The following CRY2 variants were observed in gnomAD, a reference collection of about 807,000 sequenced individuals.
CRY2 encodes the protein cryptochrome circadian regulator 2.
CRY2 carries 31 observed loss-of-function variants against 69.5 expected under a neutral mutation model. The observed-to-expected ratio is 0.45, with a 90% CI of 0.34 to 0.60. The LOEUF (loss-of-function observed/expected upper bound fraction) is 0.60. Among genes scored for constraint, CRY2 ranks in the 20% least tolerant of loss-of-function variants. The probability of loss-of-function intolerance (pLI) is 0.02; values close to 1 mark genes in which losing one functional copy is unlikely to be tolerated. For missense variants in CRY2, 606 were observed against 797.8 expected (o/e 0.76, Z 2.90); for synonymous variants, 303 against 312.2 (o/e 0.97, Z 0.31).
Position 45,873,172 on chromosome 11 carries a change from C to CCT in CRY2, c.*2+942_*2+943dup, listed in dbSNP as rs2086399797. 2.6e-5 allele frequency among the ~76,000 whole-genome samples: 4 copies of CCT among 152,328 alleles called. No individual in the cohort carries two copies. The South Asian group carries it at 8.3e-4, about 32-fold the overall frequency. On this transcript the variant is annotated intron_variant, in intron 11 of 11. Coordinates refer to ENST00000616080, the MANE Select transcript of CRY2 (RefSeq NM_021117.5). ...CTTGGGGAAATGTAAATTCCTGTCC[C>CCT]CTCTGAGTCATCATCTCAAGCTGTT...
intron 5 of CRY2, among the ~76,000 whole-genome samples, chr11:45,863,044 C>T (rs2086300743): frequency 6.6e-6 from 1 of 152,228 alleles, no homozygotes; most frequent in African/African-American, 2.4e-5. Flanking sequence ...CAAGGCAAAT[C>T]TACTTGGGAA....
intron 11 of CRY2, among the ~76,000 whole-genome samples, chr11:45,875,642 T>A (rs922525960): frequency 1.3e-5 from 2 of 152,156 alleles, no homozygotes; most frequent in Non-Finnish European, 2.9e-5. Flanking sequence ...TAGGCCAGGC[T>A]AGACTGTGAA....
chr11:45,852,290 T>G (rs2086203993), intron 1 of CRY2, among the ~76,000 whole-genome samples: 1 of 152,182 alleles, frequency 6.6e-6, no homozygotes, highest in African/African-American at 2.4e-5. Context: ...CCATCTCCAA[T>G]GCCCAGGCCA....
In CRY2 at chr11:45,868,240, A is replaced by G. The variant is rs2086347232; in HGVS notation, c.882+488A>G. 4.6e-5 allele frequency among the ~76,000 whole-genome samples: 7 copies of G among 152,218 alleles called. No individual in the cohort carries two copies. The South Asian group carries it at 1.4e-3, about 32-fold the overall frequency. On this transcript the variant is annotated intron_variant, in intron 6 of 11. Coordinates refer to ENST00000616080, the MANE Select transcript of CRY2 (RefSeq NM_021117.5). ...GAGGGGCTGCACACAGGGCTGTGCTATACAGACAAGAAGCAAATAAGCCTG... is the reference window on the plus strand; with the variant it reads ...GAGGGGCTGCACACAGGGCTGTGCTGTACAGACAAGAAGCAAATAAGCCTG...
At chr11:45,869,434 G>A in intron 6 of CRY2, 72 bp from the exon 7 acceptor site, 1 of 1,489,078 alleles carries the variant, frequency 6.7e-7, no homozygotes, top group Non-Finnish European at 9.1e-7. Context: ...TTCCTTTGTA[G>A]AAGAGACCTG....
At chr11:45,858,076 C>G (rs530631138) in intron 2 of CRY2, among the ~76,000 whole-genome samples, 2 of 152,318 alleles carry the variant, frequency 1.3e-5, no homozygotes, top group East Asian at 3.9e-4. Context: ...GCTATGAGAT[C>G]TAGAAATTCC....
rs776050157 is a variant in CRY2 at position 45,847,531 on chromosome 11, C to A, written c.41C>A (p.Ala14Glu). ...TVATAAAVAP[A>E]PAPGTDSASS... ...GCGACGGCGGCAGCTGTGGCCCCGG[C>A]GCCAGCGCCCGGCACGGACAGCGCC... The change falls in exon 1 of 12, where the codon GCG (alanine) becomes GAG (glutamate). Residue 14 changes from alanine to glutamate, a missense_variant. Transcript: ENST00000616080. 11 of 1,583,968 alleles carry A rather than the reference C, an allele frequency of 6.9e-6. No individual in the cohort carries two copies. The Admixed American group carries it at 2.0e-4, about 28-fold the overall frequency.
chr11:45,847,262 C>A, upstream of CRY2: 1 of 1,551,644 alleles, frequency 6.4e-7, no homozygotes, highest in Non-Finnish European at 8.7e-7. Context: ...GCCAGCTCCA[C>A]CCGGGCGGAC....
intron 4 of CRY2, 51 bp from the exon 5 acceptor site, chr11:45,862,009 T>C: frequency 6.7e-7 from 1 of 1,494,012 alleles, no homozygotes; most frequent in South Asian, 1.2e-5. Flanking sequence ...CGTGCCGGGC[T>C]ATCACTGAAA....
Position 45,847,612 on chromosome 11 carries a change from T to A in CRY2, c.122T>A (p.Leu41Gln), listed in dbSNP as rs764284836. Reference sequence around the variant, plus strand: ...CGACTCCACGACAACCCGGCGTTGCTGGCGGCCGTGCGCGGGGCGCGCTGC... The same window carrying A: ...CGACTCCACGACAACCCGGCGTTGCAGGCGGCCGTGCGCGGGGCGCGCTGC... ...GLRLHDNPAL[L>Q]AAVRGARCVR... Residue 41 changes from leucine to glutamine, a missense_variant, in exon 1 of 12, where the codon CTG becomes CAG. Physicochemically the swap from Leu to Gln is moderately radical, Grantham distance 113. Transcript: ENST00000616080. 5.6e-6 allele frequency: 9 copies of A among 1,605,076 alleles called. No individual in the cohort carries two copies. In the Admixed American group the frequency reaches 1.4e-4, roughly 24 times the overall value.
rs1040439647 is a variant in CRY2 at position 45,847,711 on chromosome 11, G to A, written c.215+6G>A. On this transcript the variant is annotated splice_donor_region_variant and intron_variant, in intron 1 of 11. Transcript: ENST00000616080. ...GTCGGGATCAACCGATGGAGGTGAG[G>A]GGACCCGGGGCTGGGTGGCGGGGAC... The A allele has an allele frequency of 6.4e-7, 1 of 1,555,602 alleles. No homozygotes were observed. Among genetic ancestry groups the A allele is most frequent in the East Asian group, 2.4e-5 (1 of 41,740 alleles).
chr11:45,872,521 G>A (rs758353841), intron 11 of CRY2, among the ~76,000 whole-genome samples: 2 of 151,948 alleles, frequency 1.3e-5, no homozygotes, highest in African/African-American at 4.8e-5. Flanking sequence ...TGGGAGGATC[G>A]CTTGAGGCCA....
intron 1 of CRY2, among the ~76,000 whole-genome samples, chr11:45,854,421 C>T (rs112244125): frequency 1.2e-3 from 184 of 152,300 alleles, no homozygotes; most frequent in African/African-American, 4.0e-3. Flanking sequence ...CGGTGGCTCA[C>T]GCCTGTAATC....
chr11:45,863,821 C>A (rs2086308410), intron 5 of CRY2, among the ~76,000 whole-genome samples: 2 of 151,966 alleles, frequency 1.3e-5, no homozygotes, highest in South Asian at 4.2e-4. Context: ...CTGCTTTATC[C>A]ACTCGGACTA....
In CRY2 at chr11:45,881,403, G is replaced by A. The variant is rs1300750158; in HGVS notation, c.*492G>A. The A allele has an allele frequency of 6.5e-6, 1 of 152,688 alleles. No homozygotes were observed. The highest frequency in any genetic ancestry group is 6.5e-5 in the Admixed American group (1 of 15,290). 9.5% of individuals were successfully genotyped at this position (152,688 alleles called of 1,614,324 possible). A position where few individuals can be genotyped will look rare whatever the true frequency, so the allele number is the denominator to read the frequency against. ...GAGCCCTGCTGAGTTCCTGCTTTCT[G>A]ACCTGGAGGCTGAGCAGGCCGGAGT... On this transcript the variant is annotated 3_prime_UTR_variant, in exon 12 of 12. Coordinates refer to ENST00000616080, the MANE Select transcript of CRY2 (RefSeq NM_021117.5).
chr11:45,869,766 C>G lies in CRY2; in HGVS notation c.1143C>G (p.Ala381=), dbSNP rs767827834. 3.7e-6 allele frequency: 6 copies of G among 1,613,606 alleles called. No individual in the cohort carries two copies. The highest frequency in any genetic ancestry group is 2.2e-5 in the South Asian group (2 of 91,084). The change falls in exon 7 of 12, where the codon GCC becomes GCG. Residue 381 remains alanine (A), a synonymous_variant. Coordinates refer to ENST00000616080, the MANE Select transcript of CRY2 (RefSeq NM_021117.5). ...ACCACCTGGCCCGGCATGCCGTGGC[C>G]TGCTTCCTGACCCGCGGGGACCTCT... ...WIHHLARHAV[A]CFLTRGDLWV...
At chr11:45,856,111 A>G in intron 2 of CRY2, 21 bp downstream of exon 2, 2 of 1,576,420 alleles carry the variant, frequency 1.3e-6, no homozygotes, top group Non-Finnish European at 1.7e-6. Flanking sequence ...AGAGCCCCAG[A>G]GAAGACAGTG....
rs759177088 is a variant in CRY2, at chr11:45,860,998, C to T, written c.618C>T (p.Asp206=). 1.2e-5 allele frequency: 20 copies of T among 1,613,722 alleles called. No homozygotes were observed. In the South Asian group the frequency reaches 1.8e-4, roughly 14 times the overall value. ...SCRAEIQENH[D]ETYGVPSLEE... ...GGGCCGAGATCCAGGAGAACCACGA[C>T]GAGACCTACGGCGTGCCCTCCCTGG... Residue 206 remains aspartate, a synonymous_variant, in exon 4 of 12, where the codon GAC becomes GAT. Transcript: ENST00000616080.
intron 1 of CRY2, among the ~76,000 whole-genome samples, chr11:45,849,622 AT>A (rs71038866): frequency 2.3e-3 from 330 of 141,042 alleles, no homozygotes; most frequent in Non-Finnish European, 3.5e-3. Context: ...CCCCAATTCT[AT>A]TTTTTTTTTT....
Sources: gnomAD v4.1 joint callset for allele counts (sites outside exome capture counted in the v4.1 genomes callset) on GRCh38, gnomAD v4.1.1 for gene constraint, MANE v1.5 for transcripts, NCBI Gene and HGNC (gene_info 2026-07-23, HGNC 2026-07-21) for gene names.